Variants in CDH18 observed in about 807,000 individuals in gnomAD.
The protein encoded by CDH18 is cadherin 18.
Under a neutral mutation model 67.9 loss-of-function variants are expected in CDH18, and 31 were observed. That is an observed-to-expected ratio of 0.46 (90% CI 0.34 to 0.62). CDH18 has a LOEUF of 0.62. Among genes scored for constraint, CDH18 ranks in the 20% least tolerant of loss-of-function variants. The pLI is 0.01. For missense variants in CDH18, 890 were observed against 975.5 expected (o/e 0.91, Z 1.17); for synonymous variants, 362 against 347.2 (o/e 1.04, Z -0.48).
At position 19,614,102 on chromosome 5, in the gene CDH18, GAGA is replaced by G. The variant is rs563938590; in HGVS notation, c.644-1504_644-1502del. 3.3e-3 allele frequency among the ~76,000 whole-genome samples: 495 copies of G among 152,074 alleles called. 2 individuals carry two copies. The highest frequency in any genetic ancestry group is 0.021 in the Middle Eastern group (6 of 282). ...TTTTACAGACAATATCTTAATTTATGAGAAGGAGTTATATATTTATGTTAAAAA... is the reference window on the plus strand; with the variant it reads ...TTTTACAGACAATATCTTAATTTATGAGGAGTTATATATTTATGTTAAAAA... On this transcript the variant is annotated intron_variant, in intron 5 of 12. Coordinates refer to ENST00000382275, the MANE Select transcript of CDH18 (RefSeq NM_004934.5).
intron 1 of CDH18, among the ~76,000 whole-genome samples, chr5:20,269,610 A>AG: frequency 6.6e-6 from 1 of 152,206 alleles, no homozygotes; most frequent in South Asian, 2.1e-4. Context: ...TAAGTGAAAC[A>AG]AGCCAGGAAC....
At chr5:19,849,243 C>T (rs572726481) in intron 2 of CDH18, among the ~76,000 whole-genome samples, 1 of 152,014 alleles carries the variant, frequency 6.6e-6, no homozygotes, top group South Asian at 2.1e-4. Flanking sequence ...AGCAGGATAC[C>T]TTGCAAAGTT....
chr5:19,675,332 T>C (rs985915351), intron 5 of CDH18, among the ~76,000 whole-genome samples: 13 of 151,944 alleles, frequency 8.6e-5, no homozygotes, highest in Admixed American at 3.9e-4. Flanking sequence ...TGACCAAAAT[T>C]TATCAGGCAG....
intron 1 of CDH18, among the ~76,000 whole-genome samples, chr5:20,265,323 T>A (rs1397704671): frequency 6.6e-6 from 1 of 152,046 alleles, no homozygotes; most frequent in African/African-American, 2.4e-5. Context: ...CCAAAAAAAA[T>A]TTAATAAACT....
intron 2 of CDH18, among the ~76,000 whole-genome samples, chr5:19,993,466 G>GT (rs1800093801): frequency 6.6e-6 from 1 of 151,938 alleles, no homozygotes; most frequent in Non-Finnish European, 1.5e-5. Context: ...TAGCTAATTC[G>GT]TTTGGTTTTA....
At chr5:20,252,316 A>C (rs1034857465) in intron 2 of CDH18, among the ~76,000 whole-genome samples, 1 of 151,896 alleles carries the variant, frequency 6.6e-6, no homozygotes, top group African/African-American at 2.4e-5. Context: ...ACGCCACTGC[A>C]CTCCAGCCTG....
chr5:19,547,685 G>T (rs547616015), intron 8 of CDH18, among the ~76,000 whole-genome samples: 27 of 152,200 alleles, frequency 1.8e-4, no homozygotes, highest in Non-Finnish European at 1.2e-4. Flanking sequence ...TTAGAAAAAT[G>T]GTAAGCATAC....
At chr5:20,330,428 T>C (rs1293743903) in intron 1 of CDH18, among the ~76,000 whole-genome samples, 2 of 152,020 alleles carry the variant, frequency 1.3e-5, no homozygotes, top group Non-Finnish European at 2.9e-5. Context: ...TAATAATTGG[T>C]CCCAGCTGGT....
chr5:20,025,836 A>T (rs1738849106), intron 2 of CDH18, among the ~76,000 whole-genome samples: 1 of 152,296 alleles, frequency 6.6e-6, no homozygotes, highest in South Asian at 2.1e-4. Flanking sequence ...TCACCCAGCA[A>T]ATTCTTTTTA....
intron 2 of CDH18, among the ~76,000 whole-genome samples, chr5:20,061,154 G>C (rs1742450249): frequency 6.6e-6 from 1 of 151,918 alleles, no homozygotes; most frequent in African/African-American, 2.4e-5. Flanking sequence ...TTTTAGAAAA[G>C]ATTTACCTAT....
intron 2 of CDH18, among the ~76,000 whole-genome samples, chr5:19,852,471 C>T (rs1581649561): frequency 6.6e-6 from 1 of 152,052 alleles, no homozygotes; most frequent in Admixed American, 6.6e-5. Context: ...GAAGCATTCG[C>T]TTGTAGGTCT....
At chr5:19,649,223 T>C (rs959162764) in intron 5 of CDH18, among the ~76,000 whole-genome samples, 3 of 152,144 alleles carry the variant, frequency 2.0e-5, no homozygotes, top group Non-Finnish European at 4.4e-5. Context: ...AGAACAGAAA[T>C]AGTCTTTGAA....
intron 1 of CDH18, among the ~76,000 whole-genome samples, chr5:20,269,686 G>C (rs78283848): frequency 6.6e-6 from 1 of 151,934 alleles, no homozygotes; most frequent in Non-Finnish European, 1.5e-5. Flanking sequence ...TATGTATGTA[G>C]AAAACGAAAT....
At chr5:20,352,658 G>A (rs945104382) in intron 1 of CDH18, among the ~76,000 whole-genome samples, 5 of 151,002 alleles carry the variant, frequency 3.3e-5, no homozygotes, top group Non-Finnish European at 7.4e-5. Flanking sequence ...AGCCAGGCCT[G>A]GTGGCTGGCG....
At chr5:20,271,443 A>T (rs1745427153) in intron 1 of CDH18, among the ~76,000 whole-genome samples, 1 of 152,182 alleles carries the variant, frequency 6.6e-6, no homozygotes, top group African/African-American at 2.4e-5. Context: ...CTTTACTACA[A>T]AGAAATGACA....
chr5:20,377,028 AAAAAT>A (rs1743510674), intron 1 of CDH18, among the ~76,000 whole-genome samples: 1 of 151,938 alleles, frequency 6.6e-6, no homozygotes, highest in African/African-American at 2.4e-5. Context: ...AAAAAAAAAA[AAAAAT>A]ATTAGGTCAG....
intron 5 of CDH18, among the ~76,000 whole-genome samples, chr5:19,696,286 C>T (rs1361456645): frequency 1.3e-5 from 2 of 150,830 alleles, no homozygotes; most frequent in Admixed American, 6.6e-5. Context: ...CAGAGTCTTG[C>T]TCTGCTGCCC....
chr5:19,861,233 A>G (rs1561461091), intron 2 of CDH18, among the ~76,000 whole-genome samples: 1 of 152,058 alleles, frequency 6.6e-6, no homozygotes, highest in South Asian at 2.1e-4. Flanking sequence ...TAAATTAACT[A>G]TTGGACTTTA....
chr5:20,331,050 C>A (rs563040108), intron 1 of CDH18, among the ~76,000 whole-genome samples: 1 of 152,250 alleles, frequency 6.6e-6, no homozygotes, highest in South Asian at 2.1e-4. Flanking sequence ...CTCCACAGTG[C>A]ATTTCATGAG....
Sources: gnomAD v4.1 joint callset for allele counts (sites outside exome capture counted in the v4.1 genomes callset) on GRCh38, gnomAD v4.1.1 for gene constraint, MANE v1.5 for transcripts, NCBI Gene and HGNC (gene_info 2026-07-23, HGNC 2026-07-21) for gene names.